DNAAF11: variants seen among roughly 807,000 people sequenced by gnomAD.
The protein encoded by DNAAF11 is leucine rich repeat containing 6.
A neutral mutation model predicts 60.8 loss-of-function variants in DNAAF11; 45 were observed. The ratio of observed to expected loss-of-function variants is 0.74; its 90% CI spans 0.58 to 0.95. The LOEUF is 0.95. Among genes scored for constraint, DNAAF11 ranks in the 40% least tolerant of loss-of-function variants. DNAAF11 has a pLI of 0.00. For missense variants in DNAAF11, 546 were observed against 546.2 expected (o/e 1.00, Z 0.00); for synonymous variants, 191 against 183.5 (o/e 1.04, Z -0.33).
the DNAAF11 span, among the ~76,000 whole-genome samples, chr8:132,701,594 A>G: frequency 1.3e-5 from 2 of 152,228 alleles, no homozygotes; most frequent in Admixed American, 1.3e-4. Flanking sequence ...GAAACAAAAA[A>G]TAAGGGAGGA....
chr8:132,694,691 C>T, the DNAAF11 span, among the ~76,000 whole-genome samples: 1 of 152,166 alleles, frequency 6.6e-6, no homozygotes, highest in African/African-American at 2.4e-5. Flanking sequence ...GTGGGAACTA[C>T]AAACTCTATT....
chr8:132,673,567 T>A (rs573114498), intron 1 of DNAAF11, among the ~76,000 whole-genome samples: 2 of 152,182 alleles, frequency 1.3e-5, no homozygotes, highest in Non-Finnish European at 2.9e-5. Context: ...CTGTCAGGCC[T>A]TCCTTATCTC....
chr8:132,610,080 A>C, intron 10 of DNAAF11, 86 bp downstream of exon 10: 2 of 892,174 alleles, frequency 2.2e-6, no homozygotes, highest in Non-Finnish European at 3.7e-6. Context: ...TACTTTAATC[A>C]GAAGTCATCA....
chr8:132,615,184 A>T, intron 7 of DNAAF11, 87 bp from the exon 8 acceptor site: 4 of 725,766 alleles, frequency 5.5e-6, no homozygotes, highest in Non-Finnish European at 9.5e-6. Context: ...AGCAGATTAG[A>T]TAATAATTCT....
the DNAAF11 span, among the ~76,000 whole-genome samples, chr8:132,702,911 G>A: frequency 3.3e-5 from 5 of 152,280 alleles, no homozygotes; most frequent in African/African-American, 1.2e-4. Context: ...TAGGAAGGCG[G>A]AAGGCTCTAG....
intron 10 of DNAAF11, among the ~76,000 whole-genome samples, chr8:132,601,375 A>G (rs370978530): frequency 0.085 from 12,846 of 151,594 alleles, 717 homozygotes; most frequent in South Asian, 0.14. Flanking sequence ...TGATTCTTCA[A>G]GGATCTAGAA....
intron 10 of DNAAF11, among the ~76,000 whole-genome samples, chr8:132,608,197 T>A (rs1240292366): frequency 6.6e-6 from 1 of 152,168 alleles, no homozygotes; most frequent in East Asian, 1.9e-4. Context: ...CCCCAAAGTT[T>A]GTTTTTACTA....
chr8:132,626,285 T>G (rs2130347142), intron 5 of DNAAF11, among the ~76,000 whole-genome samples: 1 of 152,264 alleles, frequency 6.6e-6, no homozygotes, highest in South Asian at 2.1e-4. Flanking sequence ...TCTCCTGACC[T>G]CATGATCCAC....
chr8:132,610,194 GT>G lies in DNAAF11; in HGVS notation c.1111del (p.Thr371ArgfsTer11). The stretch of plus-strand genomic sequence containing the variant: ...GGGCATGCAGATGACCAAATGACCC[GT>G]TGTCTGAGATCTTTTAGCAGAACTA... ...DSSSAKRSQTTGHLVICMPKV... is the reference protein window; with the variant it reads ...DSSSAKRSQTXGHLVICMPKV... On this transcript the variant is annotated frameshift_variant, in exon 10 of 12. Coordinates refer to ENST00000620350, the MANE Select transcript of DNAAF11 (RefSeq NM_012472.6). LOFTEE classifies it high-confidence loss of function. The G allele has an allele frequency of 6.2e-7, 1 of 1,613,812 alleles. No homozygotes were observed. The highest frequency in any genetic ancestry group is 1.1e-5 in the South Asian group (1 of 91,070).
chr8:132,670,055 G>A (rs1482505333), intron 1 of DNAAF11, among the ~76,000 whole-genome samples: 1 of 151,612 alleles, frequency 6.6e-6, no homozygotes, highest in Non-Finnish European at 1.5e-5. Flanking sequence ...CTTATAGTAG[G>A]AATAAAGAAA....
chr8:132,597,291 T>C (rs1183142928), intron 10 of DNAAF11, among the ~76,000 whole-genome samples: 1 of 152,162 alleles, frequency 6.6e-6, no homozygotes, highest in African/African-American at 2.4e-5. Context: ...ACTGCCATTC[T>C]TGAGAGCACC....
intron 11 of DNAAF11, among the ~76,000 whole-genome samples, chr8:132,574,459 C>G (rs1202786524): frequency 1.3e-5 from 2 of 152,208 alleles, no homozygotes; most frequent in Non-Finnish European, 2.9e-5. Flanking sequence ...CCCAACAAAA[C>G]CCTGAGCATT....
intron 10 of DNAAF11, among the ~76,000 whole-genome samples, chr8:132,606,555 T>C (rs1034842183): frequency 6.6e-6 from 1 of 152,218 alleles, no homozygotes; most frequent in African/African-American, 2.4e-5. Flanking sequence ...GCAGCCTCGA[T>C]GTAGCCTCTG....
At chr8:132,677,972 A>G (rs1396573650), upstream of DNAAF11, among the ~76,000 whole-genome samples, 3 of 152,324 alleles carry the variant, frequency 2.0e-5, no homozygotes, top group East Asian at 3.9e-4. Context: ...CCTTAAGGCT[A>G]TGCCTCTTAA....
chr8:132,659,509 T>G (rs1208507513), intron 2 of DNAAF11, among the ~76,000 whole-genome samples: 2 of 152,190 alleles, frequency 1.3e-5, no homozygotes, highest in African/African-American at 4.8e-5. Flanking sequence ...ATTAAAATTT[T>G]GGGAACTCTT....
At chr8:132,625,728 G>A (rs1417917290) in intron 5 of DNAAF11, among the ~76,000 whole-genome samples, 1 of 152,182 alleles carries the variant, frequency 6.6e-6, no homozygotes, top group East Asian at 1.9e-4. Context: ...TCAGATTCCA[G>A]GGTTCACAGA....
the DNAAF11 span, chr8:132,687,361 G>A: frequency 3.5e-6 from 1 of 283,936 alleles, no homozygotes; most frequent in Non-Finnish European, 6.9e-6. Flanking sequence ...GGGCATCAAT[G>A]TATAACACAG....
At chr8:132,674,069 G>C (rs1825455662) in intron 1 of DNAAF11, among the ~76,000 whole-genome samples, 1 of 150,390 alleles carries the variant, frequency 6.6e-6, no homozygotes. Flanking sequence ...AGGAGGAGCA[G>C]GAGGAGGAGG....
At chr8:132,613,496 A>G (rs1818860046) in intron 8 of DNAAF11, among the ~76,000 whole-genome samples, 1 of 152,250 alleles carries the variant, frequency 6.6e-6, no homozygotes, top group South Asian at 2.1e-4. Context: ...ATAGAGACAG[A>G]AAACAGATTA....
Sources: gnomAD v4.1 joint callset for allele counts (sites outside exome capture counted in the v4.1 genomes callset) on GRCh38, gnomAD v4.1.1 for gene constraint, MANE v1.5 for transcripts, NCBI Gene and HGNC (gene_info 2026-07-23, HGNC 2026-07-21) for gene names.